The following TNS3 variants were observed in gnomAD, a reference collection of about 807,000 sequenced individuals.
The protein encoded by TNS3 is tensin-3.
A neutral mutation model predicts 140.9 loss-of-function variants in TNS3; 45 were observed. That is an observed-to-expected ratio of 0.32 (90% confidence interval 0.25 to 0.41). The LOEUF is 0.41. Among genes scored for constraint, TNS3 ranks in the 10% least tolerant of loss-of-function variants. The probability of loss-of-function intolerance (pLI) is 1.00; values close to 1 mark genes in which losing one functional copy is unlikely to be tolerated. For missense variants in TNS3, 1,716 were observed against 1,906.7 expected, an observed-to-expected ratio of 0.90 and a Z score of 1.86; for synonymous variants, 815 against 788.4, an observed-to-expected ratio of 1.03 and a Z score of -0.56.
At chr7:47,441,676 G>T (rs1795472230) in intron 5 of TNS3, among the ~76,000 whole-genome samples, 1 of 152,250 alleles carries the variant, frequency 6.6e-6, no homozygotes, top group Non-Finnish European at 1.5e-5. Context: ...CTGGCTCAGG[G>T]CCCCCCTCAT....
intron 13 of TNS3, among the ~76,000 whole-genome samples, chr7:47,409,084 G>C (rs1793610700): frequency 6.6e-6 from 1 of 152,100 alleles, no homozygotes; most frequent in South Asian, 2.1e-4. Context: ...GGAAGAAGGG[G>C]CCACAGAAAA....
At chr7:47,365,355 G>A (rs899830320) in intron 17 of TNS3, among the ~76,000 whole-genome samples, 4 of 151,724 alleles carry the variant, frequency 2.6e-5, no homozygotes, top group African/African-American at 9.7e-5. Flanking sequence ...TGAGCCAAGA[G>A]AATCATTTGA....
intron 16 of TNS3, among the ~76,000 whole-genome samples, chr7:47,389,103 CGGAAGCAGAAGAAGAAGA>C (rs1562675545): frequency 0.053 from 879 of 16,482 alleles, 191 homozygotes; most frequent in African/African-American, 0.14. Context: ...GAAGAGGAAG[CGGAAGCAGAAGAAGAAGA>C]AGAAGAAGAA....
chr7:47,354,831 A>G (rs952599411), intron 17 of TNS3, among the ~76,000 whole-genome samples: 7 of 152,058 alleles, frequency 4.6e-5, no homozygotes, highest in African/African-American at 1.7e-4. Flanking sequence ...TGACACGCTC[A>G]TTGTCCACCA....
At position 47,280,329 on chromosome 7, in the gene TNS3, C is replaced by T. The variant is rs1482096792; in HGVS notation, c.4123G>A (p.Val1375Met). The T allele has an allele frequency of 6.2e-7, 1 of 1,614,102 alleles. No homozygotes were observed. The highest frequency in any genetic ancestry group is 8.5e-7 in the Non-Finnish European group (1 of 1,180,032). Reference protein sequence around the residue: ...RKLFFRRHYPVNSVIFCALDP... With the variant: ...RKLFFRRHYPMNSVIFCALDP... ...AAGGCACAGAAAATCACACTGTTCA[C>T]GGGGTAATGCCTCCGGAAGAAGAGC... Residue 1375 changes from valine (V) to methionine (M), a missense_variant, in exon 29 of 31, where the codon GTG (valine) becomes ATG (methionine). Val to Met is a conservative substitution (Grantham distance 21). Transcript: ENST00000311160.
At chr7:47,344,673 G>T in intron 20 of TNS3, 82 bp downstream of exon 20, 1 of 1,228,550 alleles carries the variant, frequency 8.1e-7, no homozygotes, top group Non-Finnish European at 1.2e-6. Context: ...TTCTGCATAC[G>T]AGTTCTTCTC....
At chr7:47,567,937 C>T (rs2152010246) in intron 1 of TNS3, among the ~76,000 whole-genome samples, 1 of 152,236 alleles carries the variant, frequency 6.6e-6, no homozygotes, top group South Asian at 2.1e-4. Flanking sequence ...CTTATTCTGC[C>T]AGTCGCCCCC....
At chr7:47,524,726 C>T (rs552749237) in intron 2 of TNS3, among the ~76,000 whole-genome samples, 2,136 of 141,634 alleles carry the variant, frequency 0.015, 20 homozygotes, top group Middle Eastern at 0.034. Flanking sequence ...GGCGTGAACC[C>T]GGGAGGCGGA....
chr7:47,504,342 G>C (rs1798335684), intron 3 of TNS3, among the ~76,000 whole-genome samples: 2 of 152,206 alleles, frequency 1.3e-5, no homozygotes, highest in African/African-American at 4.8e-5. Flanking sequence ...TGAGGGCCTG[G>C]ATGGGAGGAG....
intron 2 of TNS3, among the ~76,000 whole-genome samples, chr7:47,516,030 C>G (rs899625104): frequency 1.3e-5 from 2 of 152,228 alleles, no homozygotes; most frequent in Non-Finnish European, 2.9e-5. Flanking sequence ...ACCAAAACGT[C>G]ACATCACTGT....
chr7:47,540,498 G>A (rs1488587161), intron 1 of TNS3, among the ~76,000 whole-genome samples: 1 of 152,216 alleles, frequency 6.6e-6, no homozygotes, highest in African/African-American at 2.4e-5. Flanking sequence ...GAAACTGGAG[G>A]CTGCTCCTAT....
chr7:47,495,070 A>G (rs1162933649), intron 3 of TNS3, among the ~76,000 whole-genome samples: 1 of 151,532 alleles, frequency 6.6e-6, no homozygotes, highest in African/African-American at 2.4e-5. Flanking sequence ...CGGCGCCTGT[A>G]GTCCCAGCTA....
intron 2 of TNS3, among the ~76,000 whole-genome samples, chr7:47,526,959 G>T (rs1209847511): frequency 6.6e-6 from 1 of 152,052 alleles, no homozygotes; most frequent in African/African-American, 2.4e-5. Context: ...CTGGCCGGGC[G>T]TGGTGGCTCA....
chr7:47,299,928 C>T (rs568914880), intron 23 of TNS3, among the ~76,000 whole-genome samples: 25 of 152,304 alleles, frequency 1.6e-4, no homozygotes, highest in African/African-American at 6.0e-4. Context: ...ACTGTCGCGC[C>T]CTGCATCTGG....
intron 20 of TNS3, among the ~76,000 whole-genome samples, chr7:47,305,766 T>A (rs145223334): frequency 2.0e-5 from 3 of 152,370 alleles, no homozygotes; most frequent in Non-Finnish European, 4.4e-5. Context: ...ATTTAAAACA[T>A]CTTACCTTTT....
At chr7:47,565,592 C>A (rs988908793) in intron 1 of TNS3, among the ~76,000 whole-genome samples, 2 of 152,136 alleles carry the variant, frequency 1.3e-5, no homozygotes. Context: ...GTCTCGAACT[C>A]CTGACCTCGG....
chr7:47,576,209 AC>A (rs1176404066), intron 1 of TNS3, among the ~76,000 whole-genome samples: 1 of 152,148 alleles, frequency 6.6e-6, no homozygotes, highest in Non-Finnish European at 1.5e-5. Context: ...CTCCAGAAGG[AC>A]CACAAGGTGC....
chr7:47,350,038 C>T (rs1789574254), intron 17 of TNS3, among the ~76,000 whole-genome samples: 1 of 152,224 alleles, frequency 6.6e-6, no homozygotes, highest in South Asian at 2.1e-4. Flanking sequence ...ATGTATCTGA[C>T]TTTAAAATCC....
intron 3 of TNS3, chr7:47,481,745 A>G: frequency 1.0e-6 from 1 of 983,904 alleles, no homozygotes; most frequent in Non-Finnish European, 1.2e-6. Flanking sequence ...AAAGATAAAG[A>G]AAGTAACGGA....
Sources: gnomAD v4.1 joint callset for allele counts (sites outside exome capture counted in the v4.1 genomes callset) on GRCh38, gnomAD v4.1.1 for gene constraint, MANE v1.5 for transcripts, NCBI Gene and HGNC (gene_info 2026-07-23, HGNC 2026-07-21) for gene names.